DLG1: variants seen among roughly 807,000 people sequenced by gnomAD.
DLG1 encodes disks large homolog 1.
In DLG1, 42 loss-of-function variants were observed where a neutral mutation model predicts 123.4. The ratio of observed to expected loss-of-function variants is 0.34; its 90% CI spans 0.27 to 0.44. The LOEUF (loss-of-function observed/expected upper bound fraction) is 0.44. Among genes scored for constraint, DLG1 ranks in the 20% least tolerant of loss-of-function variants. The probability of loss-of-function intolerance (pLI) is 1.00; values close to 1 mark genes in which losing one functional copy is unlikely to be tolerated. For synonymous variants in DLG1, 317 were observed against 356.2 expected, an observed-to-expected ratio of 0.89 and a Z score of 1.24; for missense variants, 942 against 1,082.6, an observed-to-expected ratio of 0.87 and a Z score of 1.82.
intron 4 of DLG1, among the ~76,000 whole-genome samples, chr3:197,267,927 A>G (rs541436841): frequency 4.3e-4 from 65 of 152,336 alleles, no homozygotes; most frequent in African/African-American, 1.6e-3. Context: ...AAGACAGAGA[A>G]AGAGGTTATA....
chr3:197,105,123 A>G, intron 13 of DLG1, 118 bp from the exon 14 acceptor site: 1 of 592,272 alleles, frequency 1.7e-6, no homozygotes. Context: ...CTTTACCACT[A>G]AAATGTTTCT....
chr3:197,234,701 T>C (rs2150665053), intron 4 of DLG1, among the ~76,000 whole-genome samples: 1 of 152,196 alleles, frequency 6.6e-6, no homozygotes, highest in South Asian at 2.1e-4. Flanking sequence ...TAATTATGTA[T>C]AAAAGGGGTT....
In DLG1 at chr3:197,043,925, T is replaced by C. The variant is rs942893031; in HGVS notation, c.*698A>G. On this transcript the variant is annotated 3_prime_UTR_variant, in exon 25 of 25. Transcript: ENST00000667157. ...ACGAAATGTGATGATCATTTACATA[T>C]GAACAACTTTTGTAAGACACGATAG... 2 of 152,170 alleles carry C rather than the reference T, an allele frequency of 1.3e-5. No individual in the cohort carries two copies. The highest frequency in any genetic ancestry group is 2.9e-5 in the Non-Finnish European group (2 of 68,022). 9.4% of individuals were successfully genotyped at this position (152,170 alleles called of 1,614,324 possible).
chr3:197,159,593 T>C (rs993394313), intron 5 of DLG1, among the ~76,000 whole-genome samples: 3 of 152,194 alleles, frequency 2.0e-5, no homozygotes, highest in Non-Finnish European at 4.4e-5. Context: ...CTTAATATGT[T>C]GAAATTGGGT....
intron 5 of DLG1, among the ~76,000 whole-genome samples, chr3:197,165,161 A>T (rs2149951570): frequency 6.6e-6 from 1 of 152,290 alleles, no homozygotes; most frequent in African/African-American, 2.4e-5. Context: ...ATACTTTTCC[A>T]GTTGTTGACA....
chr3:197,094,929 A>G (rs948097074), intron 14 of DLG1, among the ~76,000 whole-genome samples: 3 of 152,220 alleles, frequency 2.0e-5, no homozygotes, highest in Admixed American at 2.0e-4. Flanking sequence ...TTTAAATCCT[A>G]ATCATTTTAT....
chr3:197,088,054 G>C (rs1439361580), intron 15 of DLG1, among the ~76,000 whole-genome samples: 2 of 152,104 alleles, frequency 1.3e-5, no homozygotes, highest in Non-Finnish European at 2.9e-5. Context: ...TCTTCTCTAA[G>C]GATATTTAAT....
At chr3:197,137,806 A>G (rs914948037) in intron 9 of DLG1, among the ~76,000 whole-genome samples, 1 of 151,778 alleles carries the variant, frequency 6.6e-6, no homozygotes, top group Non-Finnish European at 1.5e-5. Flanking sequence ...CTCCGTCTCT[A>G]CAAAAAATAA....
At chr3:197,067,563 T>G (rs1302745062) in intron 19 of DLG1, among the ~76,000 whole-genome samples, 1 of 145,870 alleles carries the variant, frequency 6.9e-6, no homozygotes, top group Non-Finnish European at 1.5e-5. Flanking sequence ...TTTTTTTTTT[T>G]TTTTTTTTTT....
intron 3 of DLG1, 144 bp downstream of exon 3, chr3:197,296,202 G>T: frequency 1.3e-6 from 1 of 788,996 alleles, no homozygotes; most frequent in Non-Finnish European, 2.0e-6. Context: ...ACTGGCCTAT[G>T]AAAAACACAC....
At chr3:197,202,226 T>C (rs1478017793) in intron 4 of DLG1, among the ~76,000 whole-genome samples, 1 of 152,208 alleles carries the variant, frequency 6.6e-6, no homozygotes, top group East Asian at 1.9e-4. Flanking sequence ...AATGTAACTG[T>C]ATTATATCTG....
rs143596199 is a variant in DLG1 at position 197,071,658 on chromosome 3, C to T, written c.2006-2398G>A. Among the ~76,000 whole-genome samples, 358 of 152,222 alleles carry T rather than the reference C, an allele frequency of 2.4e-3. 2 individuals are homozygous for T. The highest frequency in any genetic ancestry group is 3.7e-3 in the Non-Finnish European group (254 of 68,012). ...CTTCAAAGCATTTTACCAAAGAAGA[C>T]AGTCAAATAACCAATAAACATATAG... is the stretch of plus-strand genomic sequence containing the variant. On this transcript the variant is annotated intron_variant, in intron 18 of 24. Coordinates refer to ENST00000667157, the MANE Select transcript of DLG1 (RefSeq NM_001366207.1).
intron 11 of DLG1, among the ~76,000 whole-genome samples, chr3:197,124,783 A>T (rs1778187888): frequency 1.3e-5 from 2 of 152,108 alleles, no homozygotes; most frequent in South Asian, 4.2e-4. Flanking sequence ...ATGGTAGGAA[A>T]ATCAGCTCTC....
chr3:197,214,746 A>G (rs891856605), intron 4 of DLG1, among the ~76,000 whole-genome samples: 9 of 152,206 alleles, frequency 5.9e-5, no homozygotes, highest in Non-Finnish European at 1.0e-4. Flanking sequence ...AATTTATAAT[A>G]AAGTCTTACA....
In DLG1 at chr3:197,071,072, T is replaced by C. The variant is rs571463679; in HGVS notation, c.2006-1812A>G. ...AATTATGAATGTCTTCATTTATATA[T>C]ACCTTTTAACTTTCTGTCCTATTTC... On this transcript the variant is annotated intron_variant, in intron 18 of 24. Transcript: ENST00000667157. 55 of 152,328 alleles carry C rather than the reference T, an allele frequency of 3.6e-4. 1 individual carries two copies. Among genetic ancestry groups the C allele is most frequent in the African/African-American group, 1.0e-3 (42 of 41,578 alleles). 9.4% of individuals were successfully genotyped at this position (152,328 alleles called of 1,614,324 possible).
intron 6 of DLG1, among the ~76,000 whole-genome samples, chr3:197,143,572 A>G (rs1437844050): frequency 6.6e-6 from 1 of 152,144 alleles, no homozygotes; most frequent in Non-Finnish European, 1.5e-5. Flanking sequence ...GGATCTTTTT[A>G]AAGCCCATAA....
chr3:197,051,243 G>A (rs1329389271), intron 24 of DLG1, among the ~76,000 whole-genome samples: 1 of 152,056 alleles, frequency 6.6e-6, no homozygotes, highest in African/African-American at 2.4e-5. Flanking sequence ...CGTGGTGGCA[G>A]GTGCCTGTAA....
At chr3:197,230,523 T>C (rs529884776) in intron 4 of DLG1, among the ~76,000 whole-genome samples, 2 of 152,196 alleles carry the variant, frequency 1.3e-5, no homozygotes, top group Non-Finnish European at 2.9e-5. Flanking sequence ...TTATTGTTAC[T>C]ATCATAAAAC....
intron 13 of DLG1, among the ~76,000 whole-genome samples, chr3:197,108,584 T>C (rs1186460490): frequency 1.1e-5 from 1 of 87,524 alleles, no homozygotes; most frequent in Non-Finnish European, 2.5e-5. Context: ...ATATACCATC[T>C]ATGACTACAT....
Sources: allele counts gnomAD v4.1 joint callset (sites outside exome capture counted in the v4.1 genomes callset), GRCh38; gene constraint gnomAD v4.1.1; transcripts MANE v1.5; gene names NCBI Gene and HGNC (gene_info 2026-07-23, HGNC 2026-07-21).